LGMN: variants seen among roughly 807,000 people sequenced by gnomAD.
LGMN encodes asparaginyl endopeptidase.
LGMN carries 36 observed loss-of-function variants against 56.8 expected under a neutral mutation model. The observed-to-expected ratio is 0.63, with a 90% CI of 0.49 to 0.84. The LOEUF (loss-of-function observed/expected upper bound fraction) is 0.84, where lower values mean the gene tolerates loss of function less well. Among genes scored for constraint, LGMN ranks in the 40% least tolerant of loss-of-function variants. The pLI, the probability that LGMN is intolerant of heterozygous loss-of-function variation, is 0.00. For missense variants in LGMN, 446 were observed against 556.1 expected (o/e 0.80, Z 1.99); for synonymous variants, 199 against 210.1 (o/e 0.95, Z 0.46).
At chr14:92,731,177 C>T (rs1242270440) in intron 2 of LGMN, among the ~76,000 whole-genome samples, 1 of 152,132 alleles carries the variant, frequency 6.6e-6, no homozygotes, top group Non-Finnish European at 1.5e-5. Flanking sequence ...AACCCCACTG[C>T]AGGAGTTAAA....
intron 2 of LGMN, among the ~76,000 whole-genome samples, chr14:92,722,813 T>C (rs562346110): frequency 7.2e-5 from 11 of 152,230 alleles, no homozygotes; most frequent in Non-Finnish European, 1.3e-4. Flanking sequence ...TAAGAAGATA[T>C]ACAAATTGTT....
Position 92,717,450 on chromosome 14 carries a change from G to A in LGMN, c.248C>T (p.Pro83Leu), listed in dbSNP as rs1345790903. 1.2e-6 allele frequency: 2 copies of A among 1,612,620 alleles called. No homozygotes were observed. The highest frequency in any genetic ancestry group is 1.3e-5 in the African/African-American group (1 of 75,024). Residue 83 changes from proline (P) to leucine (L), a missense_variant, in exon 4 of 14, where the codon CCA becomes CTA. Pro to Leu is a moderately conservative substitution (Grantham distance 98). Coordinates refer to ENST00000334869, the MANE Select transcript of LGMN (RefSeq NM_005606.7). ...ATTGGGCCTGTTGATCACAATTCCT[G>A]GAGTGGGATTGCTGAAAATTAAAGG... ...DIAYSEDNPT[P>L]GIVINRPNGT...
Position 92,705,703 on chromosome 14 carries a change from T to C in LGMN, c.1191+780A>G, listed in dbSNP as rs201711945. Among the ~76,000 whole-genome samples the C allele has an allele frequency of 4.2e-4, 64 of 151,718 alleles. No homozygotes were observed. The East Asian group carries it at 0.012, about 28-fold the overall frequency. On this transcript the variant is annotated intron_variant, in intron 12 of 13. Transcript: ENST00000334869. The stretch of plus-strand genomic sequence containing the variant: ...AGTATAGTGGCACAATCTCGGCTCA[T>C]TGCAACCTCCACCTCCCTGGTTCAA...
chr14:92,747,451 C>T (rs563889133), intron 1 of LGMN, among the ~76,000 whole-genome samples: 38 of 152,320 alleles, frequency 2.5e-4, no homozygotes, highest in African/African-American at 7.9e-4. Context: ...GATCGCACCA[C>T]TGCACTCCAG....
At chr14:92,743,274 G>C (rs1167292772) in intron 1 of LGMN, among the ~76,000 whole-genome samples, 1 of 152,152 alleles carries the variant, frequency 6.6e-6, no homozygotes, top group Non-Finnish European at 1.5e-5. Flanking sequence ...GGCCAAGGCG[G>C]GTGGATCACG....
intron 8 of LGMN, 136 bp downstream of exon 8, chr14:92,712,669 G>A: frequency 1.4e-6 from 1 of 733,508 alleles, no homozygotes; most frequent in South Asian, 1.6e-5. Context: ...AGAGCTACCT[G>A]CAAGTATCTC....
rs141103044 is a variant in LGMN, at chr14:92,714,843, C to T, written c.405-392G>A. ...TCAACACAGGCCTGCAGCCTCCCCC[C>T]CTCCAGGCCTCCTGTGGCCCACAGT... On this transcript the variant is annotated intron_variant, in intron 5 of 13. Coordinates refer to ENST00000334869, the MANE Select transcript of LGMN (RefSeq NM_005606.7). This position sits in a 1 kb window ranked among gnomAD's most constrained non-coding sequence, Gnocchi z 5.1. Among the ~76,000 whole-genome samples, 9 of 152,256 alleles carry T rather than the reference C, an allele frequency of 5.9e-5. No homozygotes were observed. The highest frequency in any genetic ancestry group is 1.9e-4 in the East Asian group (1 of 5,184).
intron 2 of LGMN, among the ~76,000 whole-genome samples, chr14:92,723,219 A>C (rs1052805128): frequency 6.6e-6 from 1 of 151,710 alleles, no homozygotes; most frequent in African/African-American, 2.4e-5. Flanking sequence ...GCTAATTTTT[A>C]TATTTTTAGT....
At chr14:92,736,906 C>T (rs988796713) in intron 1 of LGMN, among the ~76,000 whole-genome samples, 15 of 152,168 alleles carry the variant, frequency 9.9e-5, no homozygotes, top group East Asian at 5.8e-4. Context: ...TGAGGACAGG[C>T]GAGAGAGAGT....
intron 2 of LGMN, among the ~76,000 whole-genome samples, chr14:92,719,063 C>T (rs1298795295): frequency 1.3e-5 from 2 of 152,074 alleles, no homozygotes; most frequent in Non-Finnish European, 1.5e-5. Flanking sequence ...GAAACTAGTG[C>T]ACACGTGGGC....
chr14:92,725,327 T>A (rs1890688617), intron 2 of LGMN, among the ~76,000 whole-genome samples: 1 of 152,044 alleles, frequency 6.6e-6, no homozygotes, highest in Non-Finnish European at 1.5e-5. Context: ...GGAAAGAGGA[T>A]CACTTGAGCC....
chr14:92,732,688 G>A lies in LGMN; in HGVS notation c.99C>T (p.Ile33=), dbSNP rs772606611. Residue 33 remains isoleucine (I), a synonymous_variant, in exon 2 of 14, where the codon ATC becomes ATT. Transcript: ENST00000334869. ...PEDGGKHWVV[I]VAGSNGWYNY... ...TATACCAGCCATTTGAACCTGCCAC[G>A]ATCACCACCCAGTGCTTGCCTCCAT... 7.4e-5 allele frequency: 119 copies of A among 1,613,896 alleles called. No individual in the cohort carries two copies. Among genetic ancestry groups the A allele is most frequent in the Non-Finnish European group, 9.2e-5 (109 of 1,180,004 alleles).
Position 92,714,352 on chromosome 14 carries a change from C to A in LGMN, c.480+24G>T. On this transcript the variant is annotated intron_variant, in intron 6 of 13. Coordinates refer to ENST00000334869, the MANE Select transcript of LGMN (RefSeq NM_005606.7). This position sits in a 1 kb window ranked among gnomAD's most constrained non-coding sequence, Gnocchi z 5.1. Reference sequence around the variant, plus strand: ...TTGCTTTTCTGTTCTGCTAGTTTGTCCTTAAAACGTTAAGAAAACTCACAT... The same window carrying A: ...TTGCTTTTCTGTTCTGCTAGTTTGTACTTAAAACGTTAAGAAAACTCACAT... The A allele has an allele frequency of 1.3e-6, 2 of 1,499,838 alleles. No homozygotes were observed. The highest frequency in any genetic ancestry group is 4.5e-5 in the East Asian group (2 of 44,318). 92.9% of individuals were successfully genotyped at this position (1,499,838 alleles called of 1,614,324 possible).
At chr14:92,719,368 A>AACACCG (rs1313174983) in intron 2 of LGMN, among the ~76,000 whole-genome samples, 1 of 135,942 alleles carries the variant, frequency 7.4e-6, no homozygotes, top group Non-Finnish European at 1.6e-5. Context: ...CACCACCACC[A>AACACCG]CCACCAACAC....
intron 2 of LGMN, among the ~76,000 whole-genome samples, chr14:92,727,552 T>C (rs779223588): frequency 5.3e-5 from 8 of 151,998 alleles, no homozygotes; most frequent in Admixed American, 1.3e-4. Flanking sequence ...GTACATGCAC[T>C]TGAAGGCACC....
rs571193524 is a variant in LGMN, at chr14:92,748,312, C to T, written c.-30+177G>A. On this transcript the variant is annotated intron_variant, in intron 1 of 13. Transcript: ENST00000334869. ...GCAGAGGCCACAGGGTTTCCCTTCC[C>T]TCGGGATTCACTGTTTCCTGAAATT... Among the ~76,000 whole-genome samples, 30 of 152,322 alleles carry T rather than the reference C, an allele frequency of 2.0e-4. No homozygotes were observed. In the East Asian group the frequency reaches 3.9e-3, roughly 20 times the overall value.
intron 11 of LGMN, among the ~76,000 whole-genome samples, chr14:92,707,488 C>T (rs926711520): frequency 1.3e-5 from 2 of 152,112 alleles, no homozygotes; most frequent in African/African-American, 2.4e-5. Flanking sequence ...ACACTTCAGC[C>T]GAAAGAACAG....
At chr14:92,713,740 A>AC (rs1226946081) in intron 7 of LGMN, 83 bp downstream of exon 7, 4 of 919,654 alleles carry the variant, frequency 4.3e-6, no homozygotes, top group Non-Finnish European at 5.5e-6. Context: ...CAGTTGGAGG[A>AC]CGGTCACGGG....
chr14:92,704,069 A>G lies in LGMN; in HGVS notation c.*250T>C, dbSNP rs1416351085. The G allele has an allele frequency of 8.5e-6, 6 of 702,464 alleles. No individual in the cohort carries two copies. The East Asian group carries it at 1.3e-4, about 16-fold the overall frequency. The allele number at this position is 702,464 out of a possible 1,614,324, so 43.5% of individuals were successfully genotyped here. ...TAACAGGCAAAACAACAAACCTCCT[A>G]GAAAGCAAATATGACCCTTCTCAAT... On this transcript the variant is annotated 3_prime_UTR_variant, in exon 14 of 14. Transcript: ENST00000334869.
Sources: allele counts gnomAD v4.1 joint callset (sites outside exome capture counted in the v4.1 genomes callset), GRCh38; gene constraint gnomAD v4.1.1; non-coding constraint Gnocchi (gnomAD v3.1); transcripts MANE v1.5; gene names NCBI Gene and HGNC (gene_info 2026-07-23, HGNC 2026-07-21).